COPG2: variants seen among roughly 807,000 people sequenced by gnomAD.
COPG2 encodes coatomer subunit gamma-2.
In COPG2, 37 loss-of-function variants were observed where a neutral mutation model predicts 46.3. That is an observed-to-expected ratio of 0.80 (90% CI 0.61 to 1.05). The LOEUF (loss-of-function observed/expected upper bound fraction) is 1.05, where lower values mean the gene tolerates loss of function less well. Ranked by LOEUF, COPG2 falls within the 50% of genes least tolerant of loss-of-function variation. The pLI, the probability that COPG2 is intolerant of heterozygous loss-of-function variation, is 0.00. For synonymous variants in COPG2, 159 were observed against 129.7 expected, an observed-to-expected ratio of 1.23 and a Z score of -1.53; for missense variants, 427 against 387.8, an observed-to-expected ratio of 1.10 and a Z score of -0.85.
chr7:130,646,536 C>A (rs1554458215), intron 5 of COPG2, among the ~76,000 whole-genome samples: 1 of 152,076 alleles, frequency 6.6e-6, no homozygotes. Context: ...ACTGTTCGGA[C>A]ATGTTATTAA....
At chr7:130,605,773 CCAA>C (rs781897589) in intron 9 of COPG2, 1 of 519,920 alleles carries the variant, frequency 1.9e-6, no homozygotes, top group African/African-American at 1.9e-5. Context: ...CAGCACTCCA[CCAA>C]CATCTTCACT....
At chr7:130,664,387 C>G (rs1554461156) in intron 3 of COPG2, among the ~76,000 whole-genome samples, 1 of 152,204 alleles carries the variant, frequency 6.6e-6, no homozygotes, top group Non-Finnish European at 1.5e-5. Flanking sequence ...TGCTCATCAG[C>G]ATGAGATTTA....
intron 9 of COPG2, 86 bp downstream of exon 9, chr7:130,610,867 C>CA (rs200828244): frequency 5.9e-5 from 82 of 1,386,096 alleles, no homozygotes; most frequent in South Asian, 7.0e-5. Flanking sequence ...AGCACTGCCC[C>CA]AAAAAAAATT....
chr7:130,559,734 A>G (rs1793688071), intron 12 of COPG2, among the ~76,000 whole-genome samples: 5 of 152,178 alleles, frequency 3.3e-5, no homozygotes, highest in Admixed American at 2.6e-4. Flanking sequence ...ACTCCTACAA[A>G]TGCAATTTGA....
intron 9 of COPG2, among the ~76,000 whole-genome samples, chr7:130,590,799 T>C (rs1794388401): frequency 6.8e-6 from 1 of 148,040 alleles, no homozygotes; most frequent in African/African-American, 2.5e-5. Flanking sequence ...GCCCATCATC[T>C]GAGATGTGGG....
chr7:130,539,316 G>A (rs1220163094), intron 20 of COPG2, among the ~76,000 whole-genome samples: 2 of 152,074 alleles, frequency 1.3e-5, no homozygotes, highest in Non-Finnish European at 2.9e-5. Context: ...GTAGAGTTTT[G>A]TAGGAACTCA....
At chr7:130,536,993 T>A (rs1374569349) in intron 20 of COPG2, among the ~76,000 whole-genome samples, 1 of 130,574 alleles carries the variant, frequency 7.7e-6, no homozygotes, top group African/African-American at 2.9e-5. Flanking sequence ...AGGGAGGAGG[T>A]GGGAGGAGGG....
intron 2 of COPG2, 33 bp downstream of exon 2, chr7:130,667,445 TAGAA>T: frequency 6.3e-7 from 1 of 1,575,922 alleles, no homozygotes; most frequent in South Asian, 1.1e-5. Context: ...TAAAACAGAA[TAGAA>T]AAGAAAGGGC....
chr7:130,527,848 C>CA, intron 20 of COPG2, among the ~76,000 whole-genome samples: 1 of 152,192 alleles, frequency 6.6e-6, no homozygotes, highest in South Asian at 2.1e-4. Context: ...GCTGAAAAGG[C>CA]AATGGGACCA....
chr7:130,610,704 A>G (rs782778933), intron 9 of COPG2: 1 of 623,728 alleles, frequency 1.6e-6, no homozygotes, highest in Non-Finnish European at 2.9e-6. Context: ...CTTATGATCA[A>G]TGCATATATT....
At chr7:130,651,509 T>A (rs1795744248) in intron 5 of COPG2, among the ~76,000 whole-genome samples, 1 of 120,854 alleles carries the variant, frequency 8.3e-6, no homozygotes, top group African/African-American at 3.1e-5. Context: ...TTTTTTTTTT[T>A]TTTTTTTTTT....
At chr7:130,646,958 C>CATATATATATGTGTATATATATATGTAT (rs1289062070) in intron 5 of COPG2, among the ~76,000 whole-genome samples, 4 of 137,148 alleles carry the variant, frequency 2.9e-5, no homozygotes, top group African/African-American at 1.1e-4. Flanking sequence ...TATATATATG[C>CATATATATATGTGTATATATATATGTAT]ATATATATAT....
intron 4 of COPG2, among the ~76,000 whole-genome samples, chr7:130,659,968 A>G (rs1795943408): frequency 6.6e-6 from 1 of 152,248 alleles, no homozygotes; most frequent in South Asian, 2.1e-4. Context: ...ACAAAAATGC[A>G]AAGTATTGAT....
At chr7:130,590,972 C>T (rs1383066965) in intron 9 of COPG2, among the ~76,000 whole-genome samples, 1 of 150,824 alleles carries the variant, frequency 6.6e-6, no homozygotes, top group Non-Finnish European at 1.5e-5. Context: ...AGGAGCCCCT[C>T]CGCCCGGCAG....
intron 4 of COPG2, among the ~76,000 whole-genome samples, chr7:130,659,864 A>AT (rs1795940478): frequency 6.6e-6 from 1 of 152,194 alleles, no homozygotes; most frequent in Admixed American, 6.5e-5. Flanking sequence ...GTGAGCCAAG[A>AT]TCGCGCCACT....
chr7:130,622,590 G>A (rs1244218057), intron 5 of COPG2, among the ~76,000 whole-genome samples: 1 of 152,132 alleles, frequency 6.6e-6, no homozygotes, highest in Non-Finnish European at 1.5e-5. Context: ...TTCTACAAAA[G>A]ACTAAATAAA....
At chr7:130,571,137 A>G (rs1793889531) in intron 9 of COPG2, among the ~76,000 whole-genome samples, 1 of 152,238 alleles carries the variant, frequency 6.6e-6, no homozygotes, top group Non-Finnish European at 1.5e-5. Context: ...TTGCTTAGGC[A>G]AAGACTTCAT....
chr7:130,651,156 A>C (rs1795729731), intron 5 of COPG2, among the ~76,000 whole-genome samples: 1 of 152,222 alleles, frequency 6.6e-6, no homozygotes, highest in Non-Finnish European at 1.5e-5. Flanking sequence ...CTATTTTAAA[A>C]ATAATGTTCA....
intron 5 of COPG2, among the ~76,000 whole-genome samples, chr7:130,617,609 T>C (rs1794970896): frequency 1.3e-5 from 2 of 152,230 alleles, no homozygotes; most frequent in South Asian, 2.1e-4. Flanking sequence ...CAAAATTCCA[T>C]GTCCATGCTT....
Sources: gnomAD v4.1 joint callset for allele counts (sites outside exome capture counted in the v4.1 genomes callset) on GRCh38, gnomAD v4.1.1 for gene constraint, MANE v1.5 for transcripts, NCBI Gene and HGNC (gene_info 2026-07-23, HGNC 2026-07-21) for gene names.